The following KCNH1 variants were observed in gnomAD, a reference collection of about 807,000 sequenced individuals.
The protein encoded by KCNH1 is voltage-gated delayed rectifier potassium channel KCNH1.
Under a neutral mutation model 69.2 loss-of-function variants are expected in KCNH1, and 27 were observed. That is an observed-to-expected ratio of 0.39 (90% CI 0.29 to 0.54). The LOEUF is 0.54. Ranked by LOEUF, KCNH1 falls within the 20% of genes least tolerant of loss-of-function variation. KCNH1 has a pLI of 0.68. For missense variants in KCNH1, 798 were observed against 1,261.6 expected (o/e 0.63, Z 5.57); for synonymous variants, 456 against 487.7 (o/e 0.93, Z 0.86).
At chr1:211,009,046 T>A (rs189171957) in intron 6 of KCNH1, among the ~76,000 whole-genome samples, 2 of 152,128 alleles carry the variant, frequency 1.3e-5, no homozygotes, top group Admixed American at 6.5e-5. Flanking sequence ...GAACAGCAAG[T>A]ACCCCAAGGC....
At chr1:210,806,836 A>ATATAT (rs59113939) in intron 7 of KCNH1, among the ~76,000 whole-genome samples, 2 of 85,632 alleles carry the variant, frequency 2.3e-5, no homozygotes, top group African/African-American at 1.0e-4. Flanking sequence ...AAAAAAAAAA[A>ATATAT]ATATATATAT....
chr1:210,973,873 T>C (rs977096714), intron 6 of KCNH1, among the ~76,000 whole-genome samples: 1 of 152,150 alleles, frequency 6.6e-6, no homozygotes, highest in African/African-American at 2.4e-5. Context: ...TCCAGGCACA[T>C]GGGATTTTTT....
chr1:210,965,689 C>G (rs1242359564), intron 6 of KCNH1, among the ~76,000 whole-genome samples: 2 of 152,060 alleles, frequency 1.3e-5, no homozygotes, highest in African/African-American at 2.4e-5. Context: ...TGTGAAGGAC[C>G]TCTTCAAGGA....
intron 10 of KCNH1, among the ~76,000 whole-genome samples, chr1:210,718,940 G>C (rs1267778374): frequency 6.6e-6 from 1 of 151,816 alleles, no homozygotes; most frequent in Non-Finnish European, 1.5e-5. Flanking sequence ...ATATCTCAAT[G>C]GAATCAAAAA....
intron 6 of KCNH1, among the ~76,000 whole-genome samples, chr1:210,922,106 G>A (rs1309643566): frequency 1.1e-4 from 16 of 151,978 alleles, no homozygotes; most frequent in Admixed American, 1.0e-3. Context: ...GACGGGCCAG[G>A]CGCGGTGGCT....
At chr1:210,813,200 C>G (rs997851401) in intron 7 of KCNH1, among the ~76,000 whole-genome samples, 1 of 152,170 alleles carries the variant, frequency 6.6e-6, no homozygotes, top group African/African-American at 2.4e-5. Flanking sequence ...TAACCTAGAA[C>G]AGTAACCTGA....
intron 7 of KCNH1, among the ~76,000 whole-genome samples, chr1:210,867,354 CACACACACAT>C (rs754377637): frequency 6.0e-4 from 80 of 134,154 alleles, no homozygotes; most frequent in Admixed American, 1.3e-3. Flanking sequence ...CACACACACA[CACACACACAT>C]ATATATATAT....
intron 7 of KCNH1, among the ~76,000 whole-genome samples, chr1:210,809,131 C>T (rs1394953650): frequency 2.0e-5 from 3 of 150,892 alleles, no homozygotes; most frequent in Non-Finnish European, 4.4e-5. Flanking sequence ...TAGTATTCTC[C>T]AGCCCTTAAT....
chr1:210,695,028 G>A (rs1024251495), intron 10 of KCNH1, among the ~76,000 whole-genome samples: 1 of 152,228 alleles, frequency 6.6e-6, no homozygotes, highest in Non-Finnish European at 1.5e-5. Flanking sequence ...TATAGTGTTT[G>A]CTTCTCCTTG....
At chr1:210,988,184 C>T (rs6659020) in intron 6 of KCNH1, among the ~76,000 whole-genome samples, 32,422 of 152,018 alleles carry the variant, frequency 0.21, 4,410 homozygotes, top group East Asian at 0.38. Flanking sequence ...CGTCTGTCAC[C>T]CCTTTCTCTG....
chr1:210,975,123 C>T (rs1399768446), intron 6 of KCNH1, among the ~76,000 whole-genome samples: 1 of 152,126 alleles, frequency 6.6e-6, no homozygotes, highest in African/African-American at 2.4e-5. Flanking sequence ...AAAGACTTCA[C>T]TTGGTATATT....
At chr1:210,943,530 T>C (rs1160446205) in intron 6 of KCNH1, among the ~76,000 whole-genome samples, 1 of 151,904 alleles carries the variant, frequency 6.6e-6, no homozygotes, top group African/African-American at 2.4e-5. Context: ...TGTATTTTTT[T>C]TTTAGCAGAG....
chr1:211,082,766 C>T lies in KCNH1; in HGVS notation c.558+14G>A. The T allele has an allele frequency of 1.2e-6, 2 of 1,602,006 alleles. No homozygotes were observed. The highest frequency in any genetic ancestry group is 1.7e-5 in the Admixed American group (1 of 59,864). ...AAAAGTGAGGCTCAAGATGAGCTAA[C>T]CCTTTGCCCTTACCTCTGCCAGGCG... On this transcript the variant is annotated intron_variant, in intron 5 of 10. Coordinates refer to ENST00000271751, the MANE Select transcript of KCNH1 (RefSeq NM_172362.3).
intron 7 of KCNH1, among the ~76,000 whole-genome samples, chr1:210,805,938 A>T (rs1297146694): frequency 1.3e-5 from 2 of 152,018 alleles, no homozygotes; most frequent in African/African-American, 4.8e-5. Flanking sequence ...TTTGAACACT[A>T]CTCTATTGTG....
chr1:211,115,701 C>CTATA (rs201384583), intron 1 of KCNH1, among the ~76,000 whole-genome samples: 969 of 70,608 alleles, frequency 0.014, 37 homozygotes, highest in African/African-American at 0.057. Context: ...ATAAACTCCC[C>CTATA]TATATATATA....
intron 6 of KCNH1, among the ~76,000 whole-genome samples, chr1:210,926,625 A>G (rs1169779311): frequency 6.6e-6 from 1 of 152,178 alleles, no homozygotes; most frequent in East Asian, 1.9e-4. Flanking sequence ...AGGAACCAGA[A>G]AAACAATTCT....
chr1:210,954,078 C>T (rs1326764560), intron 6 of KCNH1, among the ~76,000 whole-genome samples: 3 of 151,974 alleles, frequency 2.0e-5, no homozygotes, highest in Admixed American at 2.0e-4. Flanking sequence ...AAGACAGGCC[C>T]CAGTGTGTGA....
chr1:210,721,304 C>T (rs1574210071), intron 10 of KCNH1, among the ~76,000 whole-genome samples: 2 of 152,138 alleles, frequency 1.3e-5, no homozygotes, highest in East Asian at 1.9e-4. Context: ...TGGCCACCTA[C>T]GAGGAGCTAG....
chr1:210,993,494 G>A (rs763138905), intron 6 of KCNH1, among the ~76,000 whole-genome samples: 1 of 152,160 alleles, frequency 6.6e-6, no homozygotes, highest in Non-Finnish European at 1.5e-5. Flanking sequence ...ATCGTTGATT[G>A]TCAATACTCT....
Sources: gnomAD v4.1 joint callset for allele counts (sites outside exome capture counted in the v4.1 genomes callset) on GRCh38, gnomAD v4.1.1 for gene constraint, MANE v1.5 for transcripts, NCBI Gene and HGNC (gene_info 2026-07-23, HGNC 2026-07-21) for gene names.